NOS1AP: variants seen among roughly 807,000 people sequenced by gnomAD.
The protein encoded by NOS1AP is carboxyl-terminal PDZ ligand of neuronal nitric oxide synthase protein.
NOS1AP carries 21 observed loss-of-function variants against 56.2 expected under a neutral mutation model. The ratio of observed to expected loss-of-function variants is 0.37; its 90% confidence interval spans 0.26 to 0.54. The LOEUF is 0.54. Among genes scored for constraint, NOS1AP ranks in the 20% least tolerant of loss-of-function variants. The pLI, the probability that NOS1AP is intolerant of heterozygous loss-of-function variation, is 0.84. For synonymous variants in NOS1AP, 270 were observed against 274.6 expected (o/e 0.98, Z 0.17); for missense variants, 522 against 657.8 (o/e 0.79, Z 2.26).
intron 2 of NOS1AP, among the ~76,000 whole-genome samples, chr1:162,195,859 C>T (rs1380272709): frequency 6.6e-6 from 1 of 152,208 alleles, no homozygotes; most frequent in Non-Finnish European, 1.5e-5. Flanking sequence ...ATATTTCCAA[C>T]CAGACTGTCA....
At chr1:162,108,040 A>G (rs1200684985) in intron 1 of NOS1AP, among the ~76,000 whole-genome samples, 2 of 152,246 alleles carry the variant, frequency 1.3e-5, no homozygotes, top group East Asian at 3.8e-4. Context: ...ATTTTTTAGA[A>G]ACATGGTCTA....
intron 1 of NOS1AP, among the ~76,000 whole-genome samples, chr1:162,131,374 G>T (rs1648741787): frequency 6.6e-6 from 1 of 151,428 alleles, no homozygotes. Flanking sequence ...ATATCTCTAT[G>T]CTCCCCTTTC....
At chr1:162,334,561 G>A (rs1401957635) in intron 5 of NOS1AP, among the ~76,000 whole-genome samples, 2 of 152,120 alleles carry the variant, frequency 1.3e-5, no homozygotes, top group African/African-American at 2.4e-5. Flanking sequence ...TCTCCCTGAT[G>A]GTCATGAATT....
intron 2 of NOS1AP, among the ~76,000 whole-genome samples, chr1:162,249,447 TCCCTTTCCTTA>T (rs1653779882): frequency 6.6e-6 from 1 of 152,148 alleles, no homozygotes; most frequent in African/African-American, 2.4e-5. Flanking sequence ...CTTGTAAGAA[TCCCTTTCCTTA>T]TGGTGTCTTT....
At chr1:162,154,844 G>A (rs528720020) in intron 2 of NOS1AP, among the ~76,000 whole-genome samples, 38 of 152,134 alleles carry the variant, frequency 2.5e-4, no homozygotes, top group African/African-American at 9.2e-4. Context: ...CAAAAAGATG[G>A]GGTTTCACCG....
intron 1 of NOS1AP, among the ~76,000 whole-genome samples, chr1:162,153,201 T>G (rs1340665498): frequency 6.6e-6 from 1 of 152,212 alleles, no homozygotes; most frequent in Admixed American, 6.5e-5. Flanking sequence ...CGATCTCAGC[T>G]CAGTGCAACC....
At chr1:162,123,252 A>T (rs1648315529) in intron 1 of NOS1AP, among the ~76,000 whole-genome samples, 1 of 152,222 alleles carries the variant, frequency 6.6e-6, no homozygotes, top group South Asian at 2.1e-4. Context: ...GCTCACTGCA[A>T]CTTCTGCTTC....
chr1:162,251,628 GTGTGTC>G (rs1310369656), intron 2 of NOS1AP, among the ~76,000 whole-genome samples: 3 of 151,124 alleles, frequency 2.0e-5, no homozygotes, highest in Non-Finnish European at 4.4e-5. Context: ...GTGTGTGTGT[GTGTGTC>G]TGTGTGTGTG....
chr1:162,094,496 CT>C (rs1455250597), intron 1 of NOS1AP, among the ~76,000 whole-genome samples: 1 of 152,168 alleles, frequency 6.6e-6, no homozygotes, highest in African/African-American at 2.4e-5. Flanking sequence ...CCTAATCATG[CT>C]TGTTAGGGCT....
chr1:162,260,253 A>C (rs548745999), intron 2 of NOS1AP, among the ~76,000 whole-genome samples: 17 of 152,298 alleles, frequency 1.1e-4, no homozygotes, highest in African/African-American at 3.6e-4. Context: ...TTGTGAAGCC[A>C]TGTGTATGTG....
intron 2 of NOS1AP, among the ~76,000 whole-genome samples, chr1:162,251,602 ATG>A (rs35955567): frequency 0.58 from 84,174 of 146,054 alleles, 24,386 homozygotes; most frequent in East Asian, 0.76. Flanking sequence ...AAATATATAT[ATG>A]TGTGTGTGTG....
At chr1:162,129,066 A>G (rs1020458042) in intron 1 of NOS1AP, among the ~76,000 whole-genome samples, 1 of 151,932 alleles carries the variant, frequency 6.6e-6, no homozygotes, top group Non-Finnish European at 1.5e-5. Flanking sequence ...TAAATGCATC[A>G]GTTTTTTTTT....
intron 4 of NOS1AP, among the ~76,000 whole-genome samples, chr1:162,321,729 A>ATATAT (rs56969327): frequency 3.0e-4 from 38 of 127,798 alleles, no homozygotes; most frequent in African/African-American, 6.9e-4. Flanking sequence ...TAAAAAAAAA[A>ATATAT]AAATATATAT....
At chr1:162,111,213 A>C (rs370819595) in intron 1 of NOS1AP, among the ~76,000 whole-genome samples, 6 of 152,318 alleles carry the variant, frequency 3.9e-5, no homozygotes, top group African/African-American at 1.4e-4. Flanking sequence ...GTCAGATAGG[A>C]CTAGAGTATT....
At chr1:162,189,067 A>G (rs931241334) in intron 2 of NOS1AP, among the ~76,000 whole-genome samples, 4 of 152,182 alleles carry the variant, frequency 2.6e-5, no homozygotes, top group East Asian at 1.9e-4. Context: ...GAAAAAATAA[A>G]TAAATAAATA....
chr1:162,183,167 C>G (rs1651318981), intron 2 of NOS1AP, among the ~76,000 whole-genome samples: 2 of 152,154 alleles, frequency 1.3e-5, no homozygotes, highest in South Asian at 4.2e-4. Context: ...AACATTCATC[C>G]CCTTGAACAT....
intron 1 of NOS1AP, among the ~76,000 whole-genome samples, chr1:162,081,373 A>G (rs1347932421): frequency 6.6e-6 from 1 of 152,110 alleles, no homozygotes; most frequent in East Asian, 1.9e-4. Context: ...CAGATAAAGA[A>G]ATGAGGCATC....
At chr1:162,186,257 G>C (rs1011588197) in intron 2 of NOS1AP, among the ~76,000 whole-genome samples, 3 of 152,036 alleles carry the variant, frequency 2.0e-5, no homozygotes, top group Non-Finnish European at 4.4e-5. Flanking sequence ...GGAATGTTGT[G>C]ATCATCCCAC....
chr1:162,076,636 C>T (rs12097380), intron 1 of NOS1AP, among the ~76,000 whole-genome samples: 8,154 of 152,208 alleles, frequency 0.054, 751 homozygotes, highest in African/African-American at 0.19. Flanking sequence ...GAGGCCAAGG[C>T]GGGTGGATCA....
Sources: allele counts gnomAD v4.1 joint callset (sites outside exome capture counted in the v4.1 genomes callset), GRCh38; gene constraint gnomAD v4.1.1; transcripts MANE v1.5; gene names NCBI Gene and HGNC (gene_info 2026-07-23, HGNC 2026-07-21).